Variants in GUCY1A1 observed in about 807,000 individuals in gnomAD.
GUCY1A1 encodes the protein guanylate cyclase soluble subunit alpha-1.
GUCY1A1 carries 48 observed loss-of-function variants against 64.5 expected under a neutral mutation model. That is an observed-to-expected ratio of 0.74 (90% confidence interval 0.59 to 0.95). The LOEUF (loss-of-function observed/expected upper bound fraction) is 0.95, where lower values mean the gene tolerates loss of function less well. Among genes scored for constraint, GUCY1A1 ranks in the 40% least tolerant of loss-of-function variants. GUCY1A1 has a pLI of 0.00. For synonymous variants in GUCY1A1, 308 were observed against 303.4 expected, an observed-to-expected ratio of 1.02 and a Z score of -0.16; for missense variants, 804 against 825.3, an observed-to-expected ratio of 0.97 and a Z score of 0.32.
chr4:155,731,674 A>G lies in GUCY1A1; in HGVS notation c.*1443A>G, dbSNP rs1689835200. Reference sequence around the variant, plus strand: ...AAAGCAAGAAAAAGATGAACGTTATAGTTTTAAAATCAATATTAGCAGAGC... The same window carrying G: ...AAAGCAAGAAAAAGATGAACGTTATGGTTTTAAAATCAATATTAGCAGAGC... On this transcript the variant is annotated 3_prime_UTR_variant, in exon 10 of 10. Coordinates refer to ENST00000506455, the MANE Select transcript of GUCY1A1 (RefSeq NM_001130682.3). The G allele has an allele frequency of 6.6e-6, 1 of 151,850 alleles. No homozygotes were observed. The highest frequency in any genetic ancestry group is 6.6e-5 in the Admixed American group (1 of 15,194). 9.4% of individuals were successfully genotyped at this position (151,850 alleles called of 1,614,324 possible).
chr4:155,669,524 T>C (rs1048717336), intron 2 of GUCY1A1, among the ~76,000 whole-genome samples: 2 of 152,018 alleles, frequency 1.3e-5, no homozygotes, highest in Admixed American at 6.6e-5. Context: ...AAAACAAAAG[T>C]GTGAAAAACT....
chr4:155,698,715 C>G lies in GUCY1A1; in HGVS notation c.255+1593C>G, dbSNP rs117164584. On this transcript the variant is annotated intron_variant, in intron 3 of 9. Coordinates refer to ENST00000506455, the MANE Select transcript of GUCY1A1 (RefSeq NM_001130682.3). Reference sequence around the variant, plus strand: ...AAAAATTCTGGTTCACTTGATGGTGCCACCAAAAGTTCCACAGGCTTCCTT... The same window carrying G: ...AAAAATTCTGGTTCACTTGATGGTGGCACCAAAAGTTCCACAGGCTTCCTT... Among the ~76,000 whole-genome samples the G allele has an allele frequency of 6.1e-4, 93 of 152,274 alleles. No homozygotes were observed. The East Asian group carries it at 0.016, about 27-fold the overall frequency.
chr4:155,683,276 A>G (rs374171957), intron 2 of GUCY1A1, among the ~76,000 whole-genome samples: 3 of 152,216 alleles, frequency 2.0e-5, no homozygotes, highest in South Asian at 4.1e-4. Flanking sequence ...GAAAACAAAA[A>G]AAATGGCTTG....
chr4:155,684,433 C>A (rs1005648983), intron 2 of GUCY1A1, among the ~76,000 whole-genome samples: 2 of 152,208 alleles, frequency 1.3e-5, no homozygotes, highest in Non-Finnish European at 2.9e-5. Flanking sequence ...CATCAAGGAT[C>A]TGTGTCCCAG....
At chr4:155,729,601 G>A (rs1247653613) in intron 9 of GUCY1A1, among the ~76,000 whole-genome samples, 3 of 151,696 alleles carry the variant, frequency 2.0e-5, no homozygotes, top group African/African-American at 7.2e-5. Flanking sequence ...CCATGATTAC[G>A]TTTTATGCCC....
At chr4:155,715,064 C>T (rs1031418888) in intron 7 of GUCY1A1, among the ~76,000 whole-genome samples, 1 of 152,244 alleles carries the variant, frequency 6.6e-6, no homozygotes, top group East Asian at 1.9e-4. Flanking sequence ...CATTTTGAAA[C>T]TATGCTCCTC....
At chr4:155,690,143 G>C (rs919009454) in intron 2 of GUCY1A1, among the ~76,000 whole-genome samples, 1 of 152,170 alleles carries the variant, frequency 6.6e-6, no homozygotes, top group Admixed American at 6.5e-5. Flanking sequence ...GCTTGGTTAA[G>C]ATTGAATAAC....
chr4:155,704,017 G>A (rs774610209), intron 4 of GUCY1A1, 24 bp downstream of exon 4: 1 of 1,460,616 alleles, frequency 6.8e-7, no homozygotes, highest in Non-Finnish European at 9.5e-7. Flanking sequence ...CTTTAGTTGT[G>A]TGAACCTCTT....
chr4:155,733,578 T>C lies in GUCY1A1; in HGVS notation c.*3347T>C, dbSNP rs566790273. 3.7e-4 allele frequency among the ~76,000 whole-genome samples: 56 copies of C among 151,432 alleles called. No individual in the cohort carries two copies. The highest frequency in any genetic ancestry group is 7.1e-4 in the Non-Finnish European group (48 of 67,798). On this transcript the variant is annotated 3_prime_UTR_variant, in exon 10 of 10. Transcript: ENST00000506455. ...AGCTTTACATGACCTTAAGTAGTTA[T>C]CAACATTACCATAATAGTAATATTA...
intron 9 of GUCY1A1, among the ~76,000 whole-genome samples, chr4:155,727,274 A>T (rs1022516698): frequency 2.0e-5 from 3 of 151,836 alleles, no homozygotes; most frequent in African/African-American, 7.2e-5. Context: ...TTTCTTATAT[A>T]TTCTGATTTT....
Position 155,711,075 on chromosome 4 carries a change from G to A in GUCY1A1, c.910G>A (p.Gly304Ser), listed in dbSNP as rs2126857623. ...TATGACAATTCTGCAATTTGGCAAT[G>A]GCATCAGAAGGCTGATGAACAGGAG... ...KDMTILQFGN[G>S]IRRLMNRRDF... Residue 304 changes from glycine to serine, a missense_variant, in exon 6 of 10, where the codon GGC (glycine) becomes AGC (serine). Transcript: ENST00000506455. 1 of 1,613,866 alleles carries A rather than the reference G, an allele frequency of 6.2e-7. No individual in the cohort carries two copies.
chr4:155,688,256 C>A (rs900977746), intron 2 of GUCY1A1, among the ~76,000 whole-genome samples: 6 of 150,808 alleles, frequency 4.0e-5, no homozygotes, highest in African/African-American at 1.5e-4. Context: ...AAAAAAAAAA[C>A]TCATCATTAC....
chr4:155,669,232 CTTATAT>C (rs528321139), intron 2 of GUCY1A1, among the ~76,000 whole-genome samples: 205 of 151,882 alleles, frequency 1.3e-3, no homozygotes, highest in African/African-American at 4.7e-3. Flanking sequence ...AGATGGGTAC[CTTATAT>C]TTATATTTAT....
At chr4:155,682,094 A>T (rs1399758278) in intron 2 of GUCY1A1, among the ~76,000 whole-genome samples, 1 of 151,950 alleles carries the variant, frequency 6.6e-6, no homozygotes. Flanking sequence ...TAATATCTCT[A>T]GTAGCCATCT....
intron 2 of GUCY1A1, among the ~76,000 whole-genome samples, chr4:155,689,018 T>G (rs997192113): frequency 6.7e-6 from 1 of 150,354 alleles, no homozygotes; most frequent in South Asian, 2.1e-4. Flanking sequence ...ACAGAGCATA[T>G]GGTCAGACTG....
intron 2 of GUCY1A1, among the ~76,000 whole-genome samples, chr4:155,685,681 T>G (rs1728911304): frequency 6.6e-6 from 1 of 151,306 alleles, no homozygotes. Flanking sequence ...AATGTGTTCT[T>G]GATTAGGTTT....
intron 7 of GUCY1A1, 56 bp downstream of exon 7, chr4:155,713,639 C>G: frequency 6.4e-7 from 1 of 1,572,506 alleles, no homozygotes; most frequent in Non-Finnish European, 8.7e-7. Context: ...GGGGAACAAG[C>G]ACTGTGCCTA....
chr4:155,717,316 TA>T lies in GUCY1A1; in HGVS notation c.1716+15del. Reference sequence around the variant, plus strand: ...GAACCTATCAAGGTAAGGCAGATGATATATTGTCCAAAAGATGTCACAAGAG... The same window carrying T: ...GAACCTATCAAGGTAAGGCAGATGATTATTGTCCAAAAGATGTCACAAGAG... On this transcript the variant is annotated intron_variant, in intron 8 of 9. Coordinates refer to ENST00000506455, the MANE Select transcript of GUCY1A1 (RefSeq NM_001130682.3). The T allele has an allele frequency of 6.5e-7, 1 of 1,535,316 alleles. No individual in the cohort carries two copies.
intron 2 of GUCY1A1, among the ~76,000 whole-genome samples, chr4:155,696,221 T>G (rs1365391383): frequency 6.6e-6 from 1 of 152,088 alleles, no homozygotes; most frequent in Non-Finnish European, 1.5e-5. Context: ...TTGAACTTTT[T>G]TTCATTGAAC....
Sources: gnomAD v4.1 joint callset for allele counts (sites outside exome capture counted in the v4.1 genomes callset) on GRCh38, gnomAD v4.1.1 for gene constraint, MANE v1.5 for transcripts, NCBI Gene and HGNC (gene_info 2026-07-23, HGNC 2026-07-21) for gene names.